The following KSR2 variants were observed in gnomAD, a reference collection of about 807,000 sequenced individuals.
KSR2 encodes the protein kinase suppressor of ras 2.
KSR2 carries 25 observed loss-of-function variants against 107.8 expected under a neutral mutation model. The observed-to-expected ratio is 0.23, with a 90% CI of 0.17 to 0.32. The LOEUF is 0.32. Among genes scored for constraint, KSR2 ranks in the 10% least tolerant of loss-of-function variants. KSR2 has a pLI of 1.00. For synonymous variants in KSR2, 480 were observed against 507.0 expected (o/e 0.95, Z 0.71); for missense variants, 887 against 1,268.9 (o/e 0.70, Z 4.57).
chr12:117,790,737 T>C (rs1468265259), intron 3 of KSR2, among the ~76,000 whole-genome samples: 4 of 152,222 alleles, frequency 2.6e-5, no homozygotes, highest in Admixed American at 6.5e-5. Context: ...GCCCATGGTT[T>C]ATTTTCCCTT....
chr12:117,656,743 C>G (rs1884172585), intron 5 of KSR2, among the ~76,000 whole-genome samples: 1 of 151,836 alleles, frequency 6.6e-6, no homozygotes, highest in Non-Finnish European at 1.5e-5. Context: ...ATGGGCCTAG[C>G]CTCCCAGCCT....
chr12:117,890,511 G>GTTTCACCGTGTTAGCAAGGATGGTTTCCA (rs1894307221), intron 1 of KSR2, among the ~76,000 whole-genome samples: 1 of 152,182 alleles, frequency 6.6e-6, no homozygotes, highest in Non-Finnish European at 1.5e-5. Context: ...CTGCTTAGAA[G>GTTTCACCGTGTTAGCAAGGATGGTTTCCA]TCTAGTCTTT....
intron 1 of KSR2, among the ~76,000 whole-genome samples, chr12:117,893,477 A>G (rs2137365696): frequency 6.6e-6 from 1 of 152,284 alleles, no homozygotes; most frequent in East Asian, 1.9e-4. Flanking sequence ...AGTGTCATAC[A>G]CCCTAGCAGG....
chr12:117,493,562 C>A (rs11068516), intron 14 of KSR2, among the ~76,000 whole-genome samples: 25,363 of 152,158 alleles, frequency 0.17, 2,673 homozygotes, highest in East Asian at 0.43. Flanking sequence ...GTCACTCCCC[C>A]CAATAGGTCC....
At chr12:117,724,772 T>C (rs1374325022) in intron 4 of KSR2, among the ~76,000 whole-genome samples, 2 of 151,876 alleles carry the variant, frequency 1.3e-5, no homozygotes, top group African/African-American at 2.4e-5. Flanking sequence ...GAGGGTTGTT[T>C]GTGAGTGTTC....
At position 117,762,384 on chromosome 12, in the gene KSR2, G is replaced by C. The variant is rs531162337; in HGVS notation, c.473-860C>G. Among the ~76,000 whole-genome samples the C allele has an allele frequency of 3.3e-5, 5 of 152,262 alleles. No individual in the cohort carries two copies. In the East Asian group the frequency reaches 9.6e-4, roughly 29 times the overall value. ...ATGTTCTTATTCATGCATTTGTCCA[G>C]TAAACATCCTGTGAGTGCCAACTAT... On this transcript the variant is annotated intron_variant, in intron 3 of 19. Coordinates refer to ENST00000339824, the MANE Select transcript of KSR2 (RefSeq NM_173598.6).
intron 5 of KSR2, among the ~76,000 whole-genome samples, chr12:117,629,147 A>G (rs567922204): frequency 9.2e-5 from 14 of 152,246 alleles, no homozygotes; most frequent in African/African-American, 2.6e-4. Context: ...CCCCAACCCC[A>G]TGCGCTTCCC....
At chr12:117,749,617 T>C (rs2136820599) in intron 4 of KSR2, among the ~76,000 whole-genome samples, 1 of 152,310 alleles carries the variant, frequency 6.6e-6, no homozygotes, top group Admixed American at 6.5e-5. Context: ...TGAGCTAATT[T>C]TCCATTGTGG....
intron 4 of KSR2, among the ~76,000 whole-genome samples, chr12:117,674,796 C>A (rs919870489): frequency 6.6e-6 from 1 of 152,220 alleles, no homozygotes; most frequent in African/African-American, 2.4e-5. Flanking sequence ...CATGTCACTC[C>A]TCTTCTTAAA....
chr12:117,495,882 T>A (rs1872995036), intron 14 of KSR2, among the ~76,000 whole-genome samples: 1 of 151,998 alleles, frequency 6.6e-6, no homozygotes, highest in Admixed American at 6.6e-5. Flanking sequence ...GGTGAAACCC[T>A]GTCTCTACTA....
intron 1 of KSR2, among the ~76,000 whole-genome samples, chr12:117,878,145 CTT>C (rs1322659235): frequency 1.0e-5 from 1 of 96,692 alleles, no homozygotes; most frequent in East Asian, 7.4e-4. Context: ...GCAAACTTAA[CTT>C]GCACCACCGT....
At chr12:117,714,072 G>C (rs866368818) in intron 4 of KSR2, among the ~76,000 whole-genome samples, 1 of 152,028 alleles carries the variant, frequency 6.6e-6, no homozygotes, top group Non-Finnish European at 1.5e-5. Context: ...GGAGTGAGGG[G>C]GGGAGCAGCA....
chr12:117,552,857 T>C (rs900531127), intron 9 of KSR2, among the ~76,000 whole-genome samples: 2 of 152,230 alleles, frequency 1.3e-5, no homozygotes, highest in Admixed American at 6.5e-5. Context: ...CTGTGGGCCA[T>C]AGTTTGTCAA....
chr12:117,928,182 C>CT (rs35971412), intron 1 of KSR2, among the ~76,000 whole-genome samples: 13,137 of 140,566 alleles, frequency 0.093, 778 homozygotes, highest in Non-Finnish European at 0.12. Flanking sequence ...TCCTTCTTTC[C>CT]TTTTTTTTTT....
Position 117,464,481 on chromosome 12 carries a change from C to A in KSR2, c.*2718G>T, listed in dbSNP as rs575524745. On this transcript the variant is annotated 3_prime_UTR_variant, in exon 20 of 20. Transcript: ENST00000339824. ...TGATGTAAAAATATACAGCCTCTTTCCTCTTTTTTTTTCCTCCCTGCGTAA... is the reference window on the plus strand; with the variant it reads ...TGATGTAAAAATATACAGCCTCTTTACTCTTTTTTTTTCCTCCCTGCGTAA... 1.3e-5 allele frequency: 2 copies of A among 152,132 alleles called. No homozygotes were observed. Among genetic ancestry groups the A allele is most frequent in the African/African-American group, 4.8e-5 (2 of 41,426 alleles). The allele number at this position is 152,132 out of a possible 1,614,324, so 9.4% of individuals were successfully genotyped here. A position where few individuals can be genotyped will look rare whatever the true frequency, so the allele number is the denominator to read the frequency against.
At chr12:117,535,903 G>A (rs977452314) in intron 10 of KSR2, among the ~76,000 whole-genome samples, 2 of 151,978 alleles carry the variant, frequency 1.3e-5, no homozygotes, top group Admixed American at 1.3e-4. Context: ...GAGCAAAGCT[G>A]GGATCCAACT....
At chr12:117,796,195 T>C (rs1216103702) in intron 3 of KSR2, among the ~76,000 whole-genome samples, 1 of 152,136 alleles carries the variant, frequency 6.6e-6, no homozygotes, top group East Asian at 1.9e-4. Flanking sequence ...GCTTCCAAGG[T>C]GCTGGGATTA....
chr12:117,710,596 G>A (rs137981557), intron 4 of KSR2, among the ~76,000 whole-genome samples: 14 of 152,224 alleles, frequency 9.2e-5, no homozygotes, highest in African/African-American at 1.9e-4. Context: ...TCTGCCAGCC[G>A]TATGGGTGGG....
intron 5 of KSR2, among the ~76,000 whole-genome samples, chr12:117,635,074 G>A (rs554060433): frequency 3.3e-5 from 5 of 152,202 alleles, no homozygotes; most frequent in Admixed American, 1.3e-4. Flanking sequence ...GTTAACCCAC[G>A]GCCAGTCTCC....
Sources: gnomAD v4.1 joint callset for allele counts (sites outside exome capture counted in the v4.1 genomes callset) on GRCh38, gnomAD v4.1.1 for gene constraint, MANE v1.5 for transcripts, NCBI Gene and HGNC (gene_info 2026-07-23, HGNC 2026-07-21) for gene names.